Variants in HIBCH observed in about 807,000 individuals in gnomAD.
HIBCH encodes the protein 3-hydroxyisobutyryl-CoA hydrolase.
In HIBCH, 50 loss-of-function variants were observed where a neutral mutation model predicts 58.2. That is an observed-to-expected ratio of 0.86 (90% CI 0.68 to 1.09). HIBCH has a LOEUF of 1.09. Among genes scored for constraint, HIBCH ranks in the 50% least tolerant of loss-of-function variants. The probability of loss-of-function intolerance (pLI) is 0.00; values close to 1 mark genes in which losing one functional copy is unlikely to be tolerated. For synonymous variants in HIBCH, 151 were observed against 146.9 expected, an observed-to-expected ratio of 1.03 and a Z score of -0.20; for missense variants, 450 against 449.7, an observed-to-expected ratio of 1.00 and a Z score of -0.01.
At position 190,213,043 on chromosome 2, in the gene HIBCH, C is replaced by CT. The variant is rs755091617; in HGVS notation, c.923dup (p.Ile309AspfsTer33). 1 of 1,609,596 alleles carries CT rather than the reference C, an allele frequency of 6.2e-7. No individual in the cohort carries two copies. Among genetic ancestry groups the CT allele is most frequent in the South Asian group, 1.1e-5 (1 of 90,990 alleles). On this transcript the variant is annotated frameshift_variant, in exon 12 of 14. Coordinates refer to ENST00000359678, the MANE Select transcript of HIBCH (RefSeq NM_014362.4). LOFTEE classifies it high-confidence loss of function. The stretch of plus-strand genomic sequence containing the variant: ...CCTCCATGAGTTGCCTTAGTGTGAT[C>CT]TTTAGAGATGTTGGAGACATTTTAT...
At chr2:190,193,190 T>G (rs183168521) in intron 1 of HIBCH, among the ~76,000 whole-genome samples, 1 of 151,704 alleles carries the variant, frequency 6.6e-6, no homozygotes, top group South Asian at 2.1e-4. Flanking sequence ...TTTATCAAAA[T>G]TTTTTTTCTG....
chr2:190,246,133 C>T, intron 10 of HIBCH, 21 bp downstream of exon 10: 2 of 1,385,016 alleles, frequency 1.4e-6, no homozygotes, highest in Non-Finnish European at 2.1e-6. Context: ...GAATATATAA[C>T]TGAGATCTCT....
intron 6 of HIBCH, among the ~76,000 whole-genome samples, chr2:190,282,050 GTCT>G (rs896970729): frequency 6.6e-6 from 1 of 152,044 alleles, no homozygotes; most frequent in African/African-American, 2.4e-5. Flanking sequence ...CCCCAGCCTT[GTCT>G]TCTTCTGAGC....
At chr2:190,251,148 ATAGT>A (rs1348529785) in intron 8 of HIBCH, among the ~76,000 whole-genome samples, 5 of 152,232 alleles carry the variant, frequency 3.3e-5, no homozygotes, top group African/African-American at 1.2e-4. Context: ...ATTATTAATA[ATAGT>A]TAAATTTTGA....
At chr2:190,249,508 C>T (rs1686703510) in intron 9 of HIBCH, 132 bp downstream of exon 9, 4 of 609,520 alleles carry the variant, frequency 6.6e-6, no homozygotes, top group Admixed American at 2.8e-5. Context: ...TCTTCTGCCA[C>T]GCTTTAAAGT....
At chr2:190,295,602 AG>A (rs1364939423) in intron 3 of HIBCH, among the ~76,000 whole-genome samples, 1 of 152,240 alleles carries the variant, frequency 6.6e-6, no homozygotes, top group Non-Finnish European at 1.5e-5. Flanking sequence ...GTAACGCACA[AG>A]GAAGATGTAG....
At chr2:190,208,351 C>T (rs535826742) in intron 13 of HIBCH, among the ~76,000 whole-genome samples, 3 of 152,254 alleles carry the variant, frequency 2.0e-5, no homozygotes, top group African/African-American at 7.2e-5. Context: ...ATGCATGTTT[C>T]AAAGGCCACA....
In HIBCH at chr2:190,304,233, C is replaced by T. The variant is rs1688343191; in HGVS notation, c.78+6521G>A. On this transcript the variant is annotated intron_variant, in intron 2 of 13. Coordinates refer to ENST00000359678, the MANE Select transcript of HIBCH (RefSeq NM_014362.4). This position sits in a 1 kb window ranked among gnomAD's most constrained non-coding sequence, Gnocchi z 4.1. ...GTTTCTGTTGCTCACACCAGAATAC[C>T]TGAAACTGTGTAATTTGTTAAAAAA... is the stretch of plus-strand genomic sequence containing the variant. Among the ~76,000 whole-genome samples, 3 of 144,906 alleles carry T rather than the reference C, an allele frequency of 2.1e-5. No individual in the cohort carries two copies. The South Asian group carries it at 6.8e-4, about 33-fold the overall frequency.
At chr2:190,272,388 A>G (rs1363151619) in intron 6 of HIBCH, among the ~76,000 whole-genome samples, 1 of 152,182 alleles carries the variant, frequency 6.6e-6, no homozygotes, top group African/African-American at 2.4e-5. Context: ...ACATATCCAT[A>G]TATCCTTAGG....
rs1017700675 is a variant in HIBCH, at chr2:190,209,041, C to T, written c.1012-128G>A. The T allele has an allele frequency of 2.4e-5, 19 of 782,472 alleles. No homozygotes were observed. The highest frequency in any genetic ancestry group is 1.6e-4 in the South Asian group (11 of 69,132). 48.5% of individuals were successfully genotyped at this position (782,472 alleles called of 1,614,324 possible). ...CAACCTGAACCATGACATTCAGAGACTGAACCACCTCTGATAGCCCACTCT... is the reference window on the plus strand; with the variant it reads ...CAACCTGAACCATGACATTCAGAGATTGAACCACCTCTGATAGCCCACTCT... On this transcript the variant is annotated intron_variant, in intron 12 of 13. Transcript: ENST00000359678. The surrounding 1 kb of genome is among the most constrained non-coding windows in gnomAD (Gnocchi z 5.6).
Position 190,245,218 on chromosome 2 carries a change from G to C in HIBCH, c.810-250C>G, listed in dbSNP as rs577861252. On this transcript the variant is annotated intron_variant, in intron 10 of 13. Transcript: ENST00000359678. ...TGCATCTGTTATATTTCCATGTAAA[G>C]AAACAATTCAACAATGAAAAATCGA... 7.7e-5 allele frequency: 32 copies of C among 415,026 alleles called. No individual in the cohort carries two copies. In the East Asian group the frequency reaches 1.5e-3, roughly 19 times the overall value. 25.7% of individuals were successfully genotyped at this position (415,026 alleles called of 1,614,324 possible). A position where few individuals can be genotyped will look rare whatever the true frequency, so the allele number is the denominator to read the frequency against.
intron 11 of HIBCH, among the ~76,000 whole-genome samples, chr2:190,234,027 C>G (rs1205876948): frequency 1.3e-5 from 2 of 152,100 alleles, no homozygotes; most frequent in African/African-American, 2.4e-5. Context: ...AGTGGTGGCA[C>G]ATGCCTGTAA....
Position 190,279,538 on chromosome 2 carries a change from AAAAGT to A in HIBCH, c.438+8043_438+8047del, listed in dbSNP as rs745396623. On this transcript the variant is annotated intron_variant, in intron 6 of 13. Transcript: ENST00000359678. The surrounding 1 kb of genome is among the most constrained non-coding windows in gnomAD (Gnocchi z 4.2). ...CAGGTATAGGGTATACATTCCTGTA[AAAAGT>A]AAAGTAGAGGATCCTCTTCAAAGAG... is the stretch of plus-strand genomic sequence containing the variant. Among the ~76,000 whole-genome samples the A allele has an allele frequency of 1.7e-4, 26 of 152,348 alleles. No homozygotes were observed. The highest frequency in any genetic ancestry group is 2.9e-4 in the Non-Finnish European group (20 of 68,012).
At chr2:190,233,465 G>C (rs1167415634) in intron 11 of HIBCH, among the ~76,000 whole-genome samples, 3 of 152,152 alleles carry the variant, frequency 2.0e-5, no homozygotes, top group Admixed American at 6.5e-5. Flanking sequence ...ATAAAAAGGA[G>C]TTTCCCTGCA....
intron 6 of HIBCH, among the ~76,000 whole-genome samples, chr2:190,272,431 C>T (rs141091859): frequency 8.5e-5 from 13 of 152,290 alleles, no homozygotes; most frequent in African/African-American, 3.1e-4. Flanking sequence ...AAAGAGCTCT[C>T]CTCCGCTTTT....
intron 1 of HIBCH, among the ~76,000 whole-genome samples, chr2:190,198,370 G>A (rs984202437): frequency 3.3e-5 from 5 of 152,186 alleles, no homozygotes; most frequent in African/African-American, 9.6e-5. Flanking sequence ...GCCAGGCACA[G>A]TGGCTCACGC....
intron 6 of HIBCH, among the ~76,000 whole-genome samples, chr2:190,273,593 T>C (rs1185894265): frequency 1.3e-5 from 2 of 152,066 alleles, no homozygotes; most frequent in Non-Finnish European, 2.9e-5. Context: ...ATACACCCTA[T>C]ACACTTAGAA....
downstream of HIBCH, chr2:190,200,936 A>G (rs147204276): frequency 1.2e-5 from 2 of 167,054 alleles, no homozygotes; most frequent in Non-Finnish European, 2.9e-5. Context: ...TGCAAGGTAG[A>G]AAGTTTCAGT....
intron 13 of HIBCH, among the ~76,000 whole-genome samples, chr2:190,208,306 G>T (rs1299862819): frequency 6.6e-6 from 1 of 152,176 alleles, no homozygotes; most frequent in African/African-American, 2.4e-5. Context: ...AGGGAGAAAG[G>T]GTAGGGGATT....
Sources: gnomAD v4.1 joint callset for allele counts (sites outside exome capture counted in the v4.1 genomes callset) on GRCh38, gnomAD v4.1.1 for gene constraint, Gnocchi (gnomAD v3.1) non-coding constraint, MANE v1.5 for transcripts, NCBI Gene and HGNC (gene_info 2026-07-23, HGNC 2026-07-21) for gene names.